Variants in LRFN5 observed in about 807,000 individuals in gnomAD.
LRFN5 encodes leucine-rich repeat and fibronectin type-III domain-containing protein 5.
A neutral mutation model predicts 45.6 loss-of-function variants in LRFN5; 24 were observed. The observed-to-expected ratio is 0.53, with a 90% CI of 0.38 to 0.74. The LOEUF (loss-of-function observed/expected upper bound fraction) is 0.74, where lower values mean the gene tolerates loss of function less well. Ranked by LOEUF, LRFN5 falls within the 30% of genes least tolerant of loss-of-function variation. The pLI is 0.00. For synonymous variants in LRFN5, 340 were observed against 313.8 expected (o/e 1.08, Z -0.88); for missense variants, 776 against 861.5 (o/e 0.90, Z 1.24).
intron 1 of LRFN5, among the ~76,000 whole-genome samples, chr14:41,760,429 T>A (rs1885611768): frequency 6.6e-6 from 1 of 152,174 alleles, no homozygotes. Context: ...ACTCATGTAT[T>A]ACTTGTATTA....
intron 1 of LRFN5, among the ~76,000 whole-genome samples, chr14:41,649,137 G>A (rs1879964011): frequency 6.6e-6 from 1 of 151,996 alleles, no homozygotes; most frequent in Non-Finnish European, 1.5e-5. Flanking sequence ...GGAAGGCTGA[G>A]GTGGGGAGAA....
rs745533998 is a variant in LRFN5, at chr14:41,677,365, A to ACACG, written c.-197+68806_-197+68807insGCAC. The stretch of plus-strand genomic sequence containing the variant: ...CATTCAAAGGAACAGGAAGAATCTA[A>ACACG]CACACACACACACATACACACACAT... On this transcript the variant is annotated intron_variant, in intron 1 of 5. Transcript: ENST00000298119. Among the ~76,000 whole-genome samples, 18 of 146,760 alleles carry ACACG rather than the reference A, an allele frequency of 1.2e-4. No homozygotes were observed. The East Asian group carries it at 3.2e-3, about 26-fold the overall frequency.
At chr14:41,702,594 C>G (rs896670750) in intron 1 of LRFN5, among the ~76,000 whole-genome samples, 12 of 152,016 alleles carry the variant, frequency 7.9e-5, no homozygotes, top group African/African-American at 2.4e-4. Flanking sequence ...TCCCAGAGAG[C>G]TGGCTCTACA....
At chr14:41,846,835 G>A (rs1889085812) in intron 2 of LRFN5, among the ~76,000 whole-genome samples, 1 of 151,998 alleles carries the variant, frequency 6.6e-6, no homozygotes, top group Admixed American at 6.6e-5. Context: ...TTCCTTGCTG[G>A]CTGTCAGGTC....
At chr14:41,808,547 G>GATGA (rs1456022483) in intron 2 of LRFN5, among the ~76,000 whole-genome samples, 2 of 11,192 alleles carry the variant, frequency 1.8e-4, no homozygotes, top group Non-Finnish European at 3.2e-4. Context: ...GGAAGGGAGG[G>GATGA]ATGAAGGAAG....
chr14:41,877,873 A>G (rs1219440685), intron 2 of LRFN5, among the ~76,000 whole-genome samples: 3 of 152,130 alleles, frequency 2.0e-5, no homozygotes, highest in Non-Finnish European at 4.4e-5. Flanking sequence ...TCCCGAAAAT[A>G]TTAATGAAAG....
chr14:41,660,784 C>T (rs1400551083), intron 1 of LRFN5, among the ~76,000 whole-genome samples: 1 of 150,622 alleles, frequency 6.6e-6, no homozygotes, highest in African/African-American at 2.4e-5. Flanking sequence ...ATGCATGTGG[C>T]CCATGGATCA....
chr14:41,858,428 T>TC (rs371759795), intron 2 of LRFN5, among the ~76,000 whole-genome samples: 1 of 152,088 alleles, frequency 6.6e-6, no homozygotes, highest in Non-Finnish European at 1.5e-5. Context: ...TCCCTTTTTT[T>TC]CCCTCCCTGC....
At chr14:41,763,845 G>T (rs1885766918) in intron 1 of LRFN5, among the ~76,000 whole-genome samples, 2 of 152,122 alleles carry the variant, frequency 1.3e-5, no homozygotes, top group Admixed American at 1.3e-4. Context: ...AGCAGCATGA[G>T]AACAGACTAA....
intron 1 of LRFN5, among the ~76,000 whole-genome samples, chr14:41,654,083 G>A (rs1048998160): frequency 7.9e-5 from 12 of 151,960 alleles, no homozygotes; most frequent in Non-Finnish European, 5.9e-5. Context: ...AGCATTAGGA[G>A]ATATACCTAA....
At chr14:41,862,031 C>G (rs917150129) in intron 2 of LRFN5, among the ~76,000 whole-genome samples, 2 of 152,106 alleles carry the variant, frequency 1.3e-5, no homozygotes, top group Non-Finnish European at 2.9e-5. Context: ...TTTGGCAGTA[C>G]CCCTCCGCCT....
intron 1 of LRFN5, among the ~76,000 whole-genome samples, chr14:41,706,595 C>T (rs1211579399): frequency 6.6e-6 from 1 of 152,114 alleles, no homozygotes; most frequent in African/African-American, 2.4e-5. Context: ...TCTTCTCACT[C>T]AGGCCATCTG....
rs79940862 is a variant in LRFN5, at chr14:41,735,429, C to A, written c.-196-31425C>A. The stretch of plus-strand genomic sequence containing the variant: ...ACCACAGGTGTGCACAACCATACCC[C>A]GCTAATCTTTACTTTTACTTTTAGC... On this transcript the variant is annotated intron_variant, in intron 1 of 5. Coordinates refer to ENST00000298119, the MANE Select transcript of LRFN5 (RefSeq NM_152447.5). Among the ~76,000 whole-genome samples, 1,138 of 151,918 alleles carry A rather than the reference C, an allele frequency of 7.5e-3. 16 individuals carry two copies. The highest frequency in any genetic ancestry group is 0.038 in the South Asian group (182 of 4,810).
intron 2 of LRFN5, among the ~76,000 whole-genome samples, chr14:41,832,268 G>A (rs74045462): frequency 0.015 from 2,277 of 152,204 alleles, 57 homozygotes; most frequent in African/African-American, 0.051. Context: ...AGTGTTGCCT[G>A]TATTGGGTTG....
At chr14:41,808,197 G>A (rs866168702) in intron 2 of LRFN5, among the ~76,000 whole-genome samples, 1 of 101,068 alleles carries the variant, frequency 9.9e-6, no homozygotes, top group Non-Finnish European at 1.9e-5. Context: ...AGGAAGTAGA[G>A]GGAAGGAAGG....
intron 1 of LRFN5, among the ~76,000 whole-genome samples, chr14:41,747,100 T>C (rs575686979): frequency 1.9e-4 from 29 of 151,902 alleles, no homozygotes; most frequent in African/African-American, 6.5e-4. Context: ...ATGGGAAGAG[T>C]TAATATTAAA....
rs959150827 is a variant in LRFN5 at position 41,685,399 on chromosome 14, C to A, written c.-197+76837C>A. On this transcript the variant is annotated intron_variant, in intron 1 of 5. Transcript: ENST00000298119. ...ATAACCAAGATTTTAAAGAAACCCA[C>A]ATGCCTATTACCAGACAAACAGATA... Among the ~76,000 whole-genome samples, 7 of 152,164 alleles carry A rather than the reference C, an allele frequency of 4.6e-5. No individual in the cohort carries two copies. The South Asian group carries it at 1.4e-3, about 32-fold the overall frequency.
chr14:41,686,994 C>T (rs1882150959), intron 1 of LRFN5, among the ~76,000 whole-genome samples: 1 of 152,088 alleles, frequency 6.6e-6, no homozygotes, highest in African/African-American at 2.4e-5. Context: ...AGGGAGGAGC[C>T]CCTCCTTTCC....
chr14:41,662,356 C>G (rs1318277808), intron 1 of LRFN5, among the ~76,000 whole-genome samples: 1 of 151,884 alleles, frequency 6.6e-6, no homozygotes, highest in Non-Finnish European at 1.5e-5. Context: ...CTTAGAATCT[C>G]TGGGGTATGT....
Sources: allele counts gnomAD v4.1 joint callset (sites outside exome capture counted in the v4.1 genomes callset), GRCh38; gene constraint gnomAD v4.1.1; transcripts MANE v1.5; gene names NCBI Gene and HGNC (gene_info 2026-07-23, HGNC 2026-07-21).